The following PWWP2B variants were observed in gnomAD, a reference collection of about 807,000 sequenced individuals.
The protein encoded by PWWP2B is PWWP domain-containing protein 2B.
PWWP2B carries 9 observed loss-of-function variants against 15.5 expected under a neutral mutation model. The ratio of observed to expected loss-of-function variants is 0.58; its 90% CI spans 0.35 to 1.02. The LOEUF is 1.02. PWWP2B is among the 50% of genes least tolerant of loss of function. The pLI is 0.02. For synonymous variants in PWWP2B, 474 were observed against 403.6 expected, an observed-to-expected ratio of 1.17 and a Z score of -2.09; for missense variants, 864 against 865.3, an observed-to-expected ratio of 1.00 and a Z score of 0.02.
chr10:132,410,954 T>C lies in PWWP2B; in HGVS notation c.*16+4665T>C, dbSNP rs1453963936. ...CCCTGGCAGGGGACTTTTGGGGGCG[T>C]ACCCAGCACAGCCTCCGTCAGCAGT... On this transcript the variant is annotated intron_variant, in intron 2 of 2. Coordinates refer to ENST00000305233, the MANE Select transcript of PWWP2B (RefSeq NM_138499.4). 3.9e-5 allele frequency among the ~76,000 whole-genome samples: 6 copies of C among 152,276 alleles called. No homozygotes were observed. In the South Asian group the frequency reaches 6.2e-4, roughly 16 times the overall value.
At chr10:132,410,846 G>A (rs957489681) in intron 2 of PWWP2B, among the ~76,000 whole-genome samples, 2 of 152,230 alleles carry the variant, frequency 1.3e-5, no homozygotes, top group South Asian at 2.1e-4. Flanking sequence ...TGGGCAAGGG[G>A]GAGATTTCAC....
At chr10:132,402,085 G>C (rs1266052394) in intron 1 of PWWP2B, among the ~76,000 whole-genome samples, 2 of 152,260 alleles carry the variant, frequency 1.3e-5, no homozygotes, top group African/African-American at 4.8e-5. Flanking sequence ...CACTGATGCA[G>C]GTGTGACTCA....
In PWWP2B at chr10:132,397,232, G is replaced by A; in HGVS notation, c.6G>A (p.Glu2=). The change falls in exon 1 of 3, where the codon GAG becomes GAA. Residue 2 remains glutamate (E), a synonymous_variant. Coordinates refer to ENST00000305233, the MANE Select transcript of PWWP2B (RefSeq NM_138499.4). The part of the protein sequence containing the change: M[E]PRAGCRLPVR... ...GCCTGGGACGCGGCGGGAGCATGGA[G>A]CCGCGCGCCGGCTGCCGGCTGCCGG... is the stretch of plus-strand genomic sequence containing the variant. 2 of 1,199,126 alleles carry A rather than the reference G, an allele frequency of 1.7e-6. No individual in the cohort carries two copies. The highest frequency in any genetic ancestry group is 2.1e-6 in the Non-Finnish European group (2 of 959,746). The allele number at this position is 1,199,126 out of a possible 1,614,324, so 74.3% of individuals were successfully genotyped here. A position where few individuals can be genotyped will look rare whatever the true frequency, so the allele number is the denominator to read the frequency against.
intron 1 of PWWP2B, among the ~76,000 whole-genome samples, chr10:132,403,935 C>T (rs1199845812): frequency 3.3e-5 from 5 of 152,206 alleles, no homozygotes; most frequent in South Asian, 2.1e-4. Context: ...GGCTCAGCCC[C>T]GGGCCACGCG....
At chr10:132,414,509 C>T (rs1482019495) in intron 2 of PWWP2B, among the ~76,000 whole-genome samples, 1 of 152,212 alleles carries the variant, frequency 6.6e-6, no homozygotes, top group Non-Finnish European at 1.5e-5. Flanking sequence ...AGCCCTCCTC[C>T]TGACCCATCT....
At chr10:132,397,726 G>A (rs2069557001) in intron 1 of PWWP2B, among the ~76,000 whole-genome samples, 1 of 152,222 alleles carries the variant, frequency 6.6e-6, no homozygotes, top group African/African-American at 2.4e-5. Flanking sequence ...GATGCGCCGT[G>A]GCCTTGCCCT....
intron 1 of PWWP2B, among the ~76,000 whole-genome samples, chr10:132,400,737 G>C (rs2069605032): frequency 6.6e-6 from 1 of 152,240 alleles, no homozygotes; most frequent in South Asian, 2.1e-4. Context: ...GAGGCCTTGG[G>C]TGCCAGACTC....
rs190225525 is a variant in PWWP2B at position 132,402,830 on chromosome 10, G to A, written c.126-1796G>A. ...GTGGCCCCACTGTGGCCTGGCTCAC[G>A]GACAGCGTATAAAGGAACCTGGGGG... On this transcript the variant is annotated intron_variant, in intron 1 of 2. Transcript: ENST00000305233. Among the ~76,000 whole-genome samples the A allele has an allele frequency of 2.0e-3, 303 of 152,344 alleles. 3 individuals are homozygous for A. The highest frequency in any genetic ancestry group is 1.7e-3 in the Non-Finnish European group (118 of 68,030).
intron 1 of PWWP2B, among the ~76,000 whole-genome samples, chr10:132,400,995 G>T (rs1474271892): frequency 2.6e-5 from 4 of 152,234 alleles, no homozygotes; most frequent in African/African-American, 9.6e-5. Context: ...GCTTGGGCAG[G>T]CAGCCAGGGC....
chr10:132,417,114 G>C lies in PWWP2B; in HGVS notation c.*70G>C, dbSNP rs2069869514. On this transcript the variant is annotated 3_prime_UTR_variant, in exon 3 of 3. Transcript: ENST00000305233. ...TCCTGGAGCTTCCGATCTCTGTTCGGGGACCCTGTGAGCCTTCTGGCCGGC... is the reference window on the plus strand; with the variant it reads ...TCCTGGAGCTTCCGATCTCTGTTCGCGGACCCTGTGAGCCTTCTGGCCGGC... 6.2e-7 allele frequency: 1 copy of C among 1,613,216 alleles called. No individual in the cohort carries two copies. The highest frequency in any genetic ancestry group is 8.5e-7 in the Non-Finnish European group (1 of 1,179,352).
intron 2 of PWWP2B, among the ~76,000 whole-genome samples, chr10:132,410,129 T>C (rs1240784774): frequency 2.0e-5 from 3 of 152,144 alleles, no homozygotes; most frequent in Non-Finnish European, 2.9e-5. Context: ...CCTCCAGCTG[T>C]GAGGACAGGG....
chr10:132,409,006 C>T (rs963916370), intron 2 of PWWP2B, among the ~76,000 whole-genome samples: 2 of 152,216 alleles, frequency 1.3e-5, no homozygotes, highest in Non-Finnish European at 2.9e-5. Context: ...GGAGGTGCGC[C>T]GAGGCTGGGC....
chr10:132,410,814 C>A (rs2069769146), intron 2 of PWWP2B, among the ~76,000 whole-genome samples: 1 of 152,206 alleles, frequency 6.6e-6, no homozygotes, highest in South Asian at 2.1e-4. Context: ...GGACTCAATG[C>A]TCTCCTGGTG....
chr10:132,400,050 C>T (rs981082255), intron 1 of PWWP2B, among the ~76,000 whole-genome samples: 7 of 152,198 alleles, frequency 4.6e-5, no homozygotes, highest in African/African-American at 1.4e-4. Flanking sequence ...CTGCCTGTCC[C>T]GGCAGAAGGG....
At chr10:132,404,208 G>A (rs2069651122) in intron 1 of PWWP2B, among the ~76,000 whole-genome samples, 1 of 152,162 alleles carries the variant, frequency 6.6e-6, no homozygotes, top group Admixed American at 6.5e-5. Context: ...CTGAGCCTGT[G>A]AGCAAGGAGC....
Position 132,405,539 on chromosome 10 carries a change from C to T in PWWP2B, c.1039C>T (p.Pro347Ser). ...CCGTCTGGGGGACAGCGAGCACGAGCCCGTGTACCGGGCCGAGCTGGTGGG... is the reference window on the plus strand; with the variant it reads ...CCGTCTGGGGGACAGCGAGCACGAGTCCGTGTACCGGGCCGAGCTGGTGGG... ...PHRLGDSEHE[P>S]VYRAELVGEL... is the part of the protein sequence containing the mutation. The change falls in exon 2 of 3, where the codon CCC becomes TCC. Residue 347 changes from proline (P) to serine (S), a missense_variant. By Grantham distance (74) the Pro-to-Ser change is moderately conservative. Transcript: ENST00000305233. 6.2e-7 allele frequency: 1 copy of T among 1,604,114 alleles called. No individual in the cohort carries two copies.
intron 1 of PWWP2B, among the ~76,000 whole-genome samples, chr10:132,402,324 C>T (rs548186196): frequency 4.6e-5 from 7 of 152,370 alleles, no homozygotes; most frequent in South Asian, 4.1e-4. Flanking sequence ...CTCTGGCTGT[C>T]GTAGCCACCG....
chr10:132,400,150 G>C (rs767304351), intron 1 of PWWP2B, among the ~76,000 whole-genome samples: 4 of 152,292 alleles, frequency 2.6e-5, no homozygotes, highest in East Asian at 1.9e-4. Flanking sequence ...ACAACCAAGC[G>C]GGGGAGCACC....
rs761363374 is a variant in PWWP2B at position 132,404,980 on chromosome 10, C to G, written c.480C>G (p.Asp160Glu). 1.9e-6 allele frequency: 3 copies of G among 1,574,462 alleles called. No homozygotes were observed. Among genetic ancestry groups the G allele is most frequent in the South Asian group, 1.1e-5 (1 of 88,506 alleles). The change falls in exon 2 of 3, where the codon GAC (aspartate) becomes GAG (glutamate). Residue 160 changes from aspartate (D) to glutamate (E), a missense_variant. Transcript: ENST00000305233. ...GGCGGCGTCTGTCCCGCAACCGCGA[C>G]CCGGGGCGCCTCATCCTCAGCACCA... is the stretch of plus-strand genomic sequence containing the variant. Reference protein sequence around the residue: ...RTRRRLSRNRDPGRLILSTIR... With the variant: ...RTRRRLSRNREPGRLILSTIR...
Sources: allele counts gnomAD v4.1 joint callset (sites outside exome capture counted in the v4.1 genomes callset), GRCh38; gene constraint gnomAD v4.1.1; transcripts MANE v1.5; gene names NCBI Gene and HGNC (gene_info 2026-07-23, HGNC 2026-07-21).